Variants in JARID2 observed in about 807,000 individuals in gnomAD.
JARID2 encodes jumonji and AT-rich interaction domain containing 2.
Under a neutral mutation model 125.6 loss-of-function variants are expected in JARID2, and 21 were observed. The ratio of observed to expected loss-of-function variants is 0.17; its 90% CI spans 0.12 to 0.24. The LOEUF (loss-of-function observed/expected upper bound fraction) is 0.24. Ranked by LOEUF, JARID2 falls within the 10% of genes least tolerant of loss-of-function variation. The pLI, the probability that JARID2 is intolerant of heterozygous loss-of-function variation, is 1.00. For missense variants in JARID2, 1,303 were observed against 1,639.6 expected (o/e 0.79, Z 3.55); for synonymous variants, 736 against 661.6 (o/e 1.11, Z -1.73).
At chr6:15,315,420 G>C (rs1762146062) in intron 1 of JARID2, among the ~76,000 whole-genome samples, 1 of 152,150 alleles carries the variant, frequency 6.6e-6, no homozygotes, top group South Asian at 2.1e-4. Flanking sequence ...TTGACCCGTT[G>C]CTTTGTCTTG....
At position 15,468,597 on chromosome 6, in the gene JARID2, G is replaced by A. The variant is rs767305243; in HGVS notation, c.549G>A (p.Glu183=). Residue 183 remains glutamate, a synonymous_variant, in exon 5 of 18, where the codon GAG becomes GAA. Transcript: ENST00000341776. ...MVYFGSSQDE[E]EVEEEDDETE... ...ATTTTGGAAGCTCTCAGGATGAGGA[G>A]GAAGTCGAGGAGGAAGATGATGAGA... is the stretch of plus-strand genomic sequence containing the variant. 6 of 1,613,972 alleles carry A rather than the reference G, an allele frequency of 3.7e-6. No individual in the cohort carries two copies. The African/African-American group carries it at 8.0e-5, about 22-fold the overall frequency.
chr6:15,324,623 T>C (rs1229869130), intron 1 of JARID2, among the ~76,000 whole-genome samples: 1 of 151,024 alleles, frequency 6.6e-6, no homozygotes, highest in East Asian at 1.9e-4. Flanking sequence ...ACTACAGGCG[T>C]GCACCACCAC....
At chr6:15,281,582 GC>G (rs1176887998) in intron 1 of JARID2, among the ~76,000 whole-genome samples, 1 of 152,150 alleles carries the variant, frequency 6.6e-6, no homozygotes, top group African/African-American at 2.4e-5. Context: ...CGCGTGGGGG[GC>G]CCCCCACTTC....
chr6:15,409,635 T>G, intron 2 of JARID2, among the ~76,000 whole-genome samples: 1 of 152,244 alleles, frequency 6.6e-6, no homozygotes, highest in Non-Finnish European at 1.5e-5. Flanking sequence ...ACTCCCCTGC[T>G]TATCATCTGC....
At chr6:15,386,276 T>TTCCCCCTCTC (rs1764782168) in intron 2 of JARID2, among the ~76,000 whole-genome samples, 1 of 141,816 alleles carries the variant, frequency 7.1e-6, no homozygotes, top group Admixed American at 7.1e-5. Flanking sequence ...CCCCCTTCCT[T>TTCCCCCTCTC]TCCCCCTCTC....
intron 1 of JARID2, among the ~76,000 whole-genome samples, chr6:15,280,952 C>T (rs1023145880): frequency 6.6e-6 from 1 of 152,078 alleles, no homozygotes. Flanking sequence ...GTGATTTTTG[C>T]CTTTTTGTGA....
At chr6:15,304,833 G>A (rs1761763410) in intron 1 of JARID2, among the ~76,000 whole-genome samples, 2 of 152,136 alleles carry the variant, frequency 1.3e-5, no homozygotes, top group South Asian at 4.1e-4. Flanking sequence ...GCTGGCAGGG[G>A]GCACCATCAG....
chr6:15,400,659 T>G (rs958572031), intron 2 of JARID2, among the ~76,000 whole-genome samples: 1 of 120,126 alleles, frequency 8.3e-6, no homozygotes, highest in Non-Finnish European at 1.8e-5. Flanking sequence ...TTCCTTTTTC[T>G]CATTTTAATT....
At chr6:15,325,662 T>C (rs1178790592) in intron 1 of JARID2, among the ~76,000 whole-genome samples, 1 of 152,196 alleles carries the variant, frequency 6.6e-6, no homozygotes, top group Non-Finnish European at 1.5e-5. Flanking sequence ...TTTACCGCCA[T>C]AGACTTTGCT....
chr6:15,421,460 A>G (rs772892657), intron 3 of JARID2, among the ~76,000 whole-genome samples: 13 of 152,158 alleles, frequency 8.5e-5, no homozygotes, highest in Non-Finnish European at 1.6e-4. Context: ...CTCCAAGAAA[A>G]AAAATTCAAA....
At chr6:15,494,766 C>T (rs2127730776) in intron 6 of JARID2, among the ~76,000 whole-genome samples, 1 of 152,278 alleles carries the variant, frequency 6.6e-6, no homozygotes, top group South Asian at 2.1e-4. Context: ...GTACAAAGGT[C>T]ACTAAGACTC....
intron 4 of JARID2, among the ~76,000 whole-genome samples, chr6:15,465,884 A>G (rs1251208050): frequency 2.0e-5 from 3 of 151,736 alleles, no homozygotes; most frequent in African/African-American, 4.8e-5. Flanking sequence ...GCTCACTGCA[A>G]CCTTCGCCTC....
At chr6:15,262,003 A>G (rs1250011600) in intron 1 of JARID2, among the ~76,000 whole-genome samples, 1 of 151,636 alleles carries the variant, frequency 6.6e-6, no homozygotes, top group African/African-American at 2.4e-5. Flanking sequence ...GCTGGTTTCA[A>G]ACTCCTGACC....
intron 3 of JARID2, among the ~76,000 whole-genome samples, chr6:15,428,680 C>T (rs569087513): frequency 1.9e-4 from 29 of 152,152 alleles, no homozygotes; most frequent in African/African-American, 5.3e-4. Flanking sequence ...CCAAGACTGG[C>T]GAATCACCTG....
chr6:15,401,548 T>C (rs1012444338), intron 2 of JARID2, among the ~76,000 whole-genome samples: 1 of 152,204 alleles, frequency 6.6e-6, no homozygotes, highest in Admixed American at 6.5e-5. Context: ...TTCATTTCCA[T>C]TAATCCTTTC....
At chr6:15,283,615 T>C (rs146980144) in intron 1 of JARID2, among the ~76,000 whole-genome samples, 9,134 of 152,086 alleles carry the variant, frequency 0.06, 352 homozygotes, top group East Asian at 0.21. Flanking sequence ...GTGCTGGGAT[T>C]ACAGGCGTGA....
intron 1 of JARID2, among the ~76,000 whole-genome samples, chr6:15,304,307 C>G (rs1218178532): frequency 1.2e-4 from 8 of 65,316 alleles, no homozygotes; most frequent in African/African-American, 1.3e-4. Context: ...TGCTGATCCC[C>G]CCCCCCCCCC....
At chr6:15,403,467 C>G in intron 2 of JARID2, among the ~76,000 whole-genome samples, 1 of 152,138 alleles carries the variant, frequency 6.6e-6, no homozygotes, top group African/African-American at 2.4e-5. Context: ...ACCTCTTCCT[C>G]TGAGGAAATA....
chr6:15,503,490 G>A (rs536600114), intron 8 of JARID2, among the ~76,000 whole-genome samples: 1 of 152,232 alleles, frequency 6.6e-6, no homozygotes, highest in East Asian at 1.9e-4. Flanking sequence ...CTAGGGGGAC[G>A]CTGCGGTGTC....
Sources: gnomAD v4.1 joint callset for allele counts (sites outside exome capture counted in the v4.1 genomes callset) on GRCh38, gnomAD v4.1.1 for gene constraint, MANE v1.5 for transcripts, NCBI Gene and HGNC (gene_info 2026-07-23, HGNC 2026-07-21) for gene names.